MARCHF3: variants seen among roughly 807,000 people sequenced by gnomAD.
MARCHF3 encodes membrane associated ring-CH-type finger 3, also known as E3 ubiquitin-protein ligase MARCHF3.
A neutral mutation model predicts 24.2 loss-of-function variants in MARCHF3; 13 were observed. That is an observed-to-expected ratio of 0.54 (90% CI 0.35 to 0.85). The LOEUF is 0.85. Among genes scored for constraint, MARCHF3 ranks in the 40% least tolerant of loss-of-function variants. The pLI is 0.01. For missense variants in MARCHF3, 276 were observed against 325.0 expected, an observed-to-expected ratio of 0.85 and a Z score of 1.16; for synonymous variants, 144 against 137.3, an observed-to-expected ratio of 1.05 and a Z score of -0.34.
At chr5:126,914,897 G>A (rs756070895) in intron 3 of MARCHF3, 33 bp downstream of exon 3, 2 of 1,610,510 alleles carry the variant, frequency 1.2e-6, no homozygotes, top group Non-Finnish European at 1.7e-6. Flanking sequence ...GCTCATTAGA[G>A]CTAAGTTTTC....
chr5:126,880,186 T>C (rs1002685258), intron 3 of MARCHF3, among the ~76,000 whole-genome samples: 1 of 151,930 alleles, frequency 6.6e-6, no homozygotes, highest in African/African-American at 2.4e-5. Flanking sequence ...AAGCAGGAGG[T>C]AAAAGGCACC....
chr5:126,917,822 C>T (rs148186471), intron 2 of MARCHF3, among the ~76,000 whole-genome samples, 162 bp downstream of exon 2: 29 of 151,426 alleles, frequency 1.9e-4, no homozygotes, highest in Admixed American at 1.1e-3. Context: ...GCTATAGAAA[C>T]GGCAATAACA....
chr5:127,008,636 T>A (rs1309614943), intron 1 of MARCHF3, among the ~76,000 whole-genome samples: 1 of 152,230 alleles, frequency 6.6e-6, no homozygotes, highest in Non-Finnish European at 1.5e-5. Flanking sequence ...TGTTCTATTA[T>A]GTGGAAGGTA....
chr5:126,920,635 AG>A (rs1231390819), intron 1 of MARCHF3, among the ~76,000 whole-genome samples: 1 of 152,134 alleles, frequency 6.6e-6, no homozygotes, highest in Non-Finnish European at 1.5e-5. Flanking sequence ...GGGGGTGCGC[AG>A]AGTAAATAAT....
intron 1 of MARCHF3, among the ~76,000 whole-genome samples, chr5:126,983,646 G>A (rs1025526135): frequency 6.6e-6 from 1 of 152,276 alleles, no homozygotes; most frequent in African/African-American, 2.4e-5. Context: ...TATGATTTAT[G>A]ATGCTGAGGT....
At chr5:126,941,726 T>C (rs767687726) in intron 1 of MARCHF3, among the ~76,000 whole-genome samples, 3 of 152,204 alleles carry the variant, frequency 2.0e-5, no homozygotes, top group Non-Finnish European at 2.9e-5. Context: ...CATGAAAGCA[T>C]CTGGAGGCCT....
chr5:127,019,047 TA>T (rs1235617597), intron 1 of MARCHF3, among the ~76,000 whole-genome samples: 2 of 152,112 alleles, frequency 1.3e-5, no homozygotes, highest in East Asian at 3.8e-4. Context: ...TATTAAGAAA[TA>T]AGCAAATTAT....
At chr5:127,012,265 T>A (rs1397335503) in intron 1 of MARCHF3, among the ~76,000 whole-genome samples, 1 of 152,218 alleles carries the variant, frequency 6.6e-6, no homozygotes, top group Non-Finnish European at 1.5e-5. Context: ...TCTTATTTTG[T>A]GGTAATTCTT....
intron 1 of MARCHF3, among the ~76,000 whole-genome samples, chr5:126,943,008 A>C (rs2126810702): frequency 6.6e-6 from 1 of 152,342 alleles, no homozygotes; most frequent in South Asian, 2.1e-4. Context: ...TATTAAGGCC[A>C]GGTGCAGTGG....
chr5:127,021,378 T>C (rs1287236473), intron 1 of MARCHF3, among the ~76,000 whole-genome samples: 1 of 152,166 alleles, frequency 6.6e-6, no homozygotes, highest in Admixed American at 6.5e-5. Context: ...AATAAGAATT[T>C]TTCCTACAAG....
intron 1 of MARCHF3, among the ~76,000 whole-genome samples, chr5:126,933,744 T>G (rs1749550775): frequency 6.6e-6 from 1 of 152,212 alleles, no homozygotes; most frequent in African/African-American, 2.4e-5. Context: ...GCACCCAGCC[T>G]CTCTTTGGTA....
intron 1 of MARCHF3, among the ~76,000 whole-genome samples, chr5:126,919,357 G>A (rs1464591009): frequency 6.6e-6 from 1 of 152,168 alleles, no homozygotes; most frequent in Non-Finnish European, 1.5e-5. Flanking sequence ...TCAAGCTCCC[G>A]AGCTCGACAT....
At chr5:126,907,942 T>C (rs373965311) in intron 3 of MARCHF3, among the ~76,000 whole-genome samples, 3,087 of 152,276 alleles carry the variant, frequency 0.02, 67 homozygotes, top group South Asian at 0.11. Flanking sequence ...TTGGCATGAT[T>C]TTGCAGCGGC....
In MARCHF3 at chr5:126,875,349, A is replaced by G. The variant is rs533876929; in HGVS notation, c.603+2836T>C. Among the ~76,000 whole-genome samples the G allele has an allele frequency of 5.3e-5, 8 of 151,314 alleles. No homozygotes were observed. In the East Asian group the frequency reaches 9.7e-4, roughly 18 times the overall value. On this transcript the variant is annotated intron_variant, in intron 4 of 4. Transcript: ENST00000308660. The stretch of plus-strand genomic sequence containing the variant: ...GCATGGCCACGTGTGCCTGCGAGAA[A>G]CTCCAAGGCACTCTGAGGCGTGCAG...
In MARCHF3 at chr5:127,030,356, C is replaced by T. The variant is rs571958433; in HGVS notation, c.-63G>A. ...CCGGCGCGCGGCCACTCACCGTCCT[C>T]GCCGAGTCCCGATAGCAAACCGACG... On this transcript the variant is annotated 5_prime_UTR_variant, in exon 1 of 5. Transcript: ENST00000308660. 1.3e-5 allele frequency: 2 copies of T among 152,372 alleles called. No homozygotes were observed. The highest frequency in any genetic ancestry group is 1.3e-4 in the Admixed American group (2 of 15,308). The allele number at this position is 152,372 out of a possible 1,614,324, so 9.4% of individuals were successfully genotyped here.
chr5:126,908,466 C>G (rs1393744571), intron 3 of MARCHF3, among the ~76,000 whole-genome samples: 1 of 152,198 alleles, frequency 6.6e-6, no homozygotes, highest in Non-Finnish European at 1.5e-5. Flanking sequence ...ACCAATCAGA[C>G]ATAGATTTGG....
At chr5:126,962,633 T>G (rs907437973) in intron 1 of MARCHF3, among the ~76,000 whole-genome samples, 1 of 152,088 alleles carries the variant, frequency 6.6e-6, no homozygotes, top group Non-Finnish European at 1.5e-5. Context: ...AAATATTATA[T>G]GAAGTTAATG....
At chr5:126,972,078 AT>A (rs1561453160) in intron 1 of MARCHF3, among the ~76,000 whole-genome samples, 1 of 152,096 alleles carries the variant, frequency 6.6e-6, no homozygotes, top group African/African-American at 2.4e-5. Context: ...AAGTCTTTTC[AT>A]TTTTTTCTTT....
chr5:126,877,586 T>TA (rs1303823706), intron 4 of MARCHF3, among the ~76,000 whole-genome samples: 1 of 152,210 alleles, frequency 6.6e-6, no homozygotes, highest in Non-Finnish European at 1.5e-5. Flanking sequence ...CGAGAACACT[T>TA]ATTGGGAAAT....
Sources: allele counts gnomAD v4.1 joint callset (sites outside exome capture counted in the v4.1 genomes callset), GRCh38; gene constraint gnomAD v4.1.1; transcripts MANE v1.5; gene names NCBI Gene and HGNC (gene_info 2026-07-23, HGNC 2026-07-21).